TEKT2: variants seen among roughly 807,000 people sequenced by gnomAD.
TEKT2 encodes the protein tektin 2.
A neutral mutation model predicts 49.8 loss-of-function variants in TEKT2; 45 were observed. That is an observed-to-expected ratio of 0.90 (90% confidence interval 0.71 to 1.16). The LOEUF is 1.16. TEKT2 is among the 50% of genes most tolerant of loss of function. TEKT2 has a pLI of 0.00. For missense variants in TEKT2, 523 were observed against 551.4 expected (o/e 0.95, Z 0.52); for synonymous variants, 202 against 224.6 (o/e 0.90, Z 0.90).
chr1:36,084,836 A>C lies in TEKT2; in HGVS notation c.-52-34A>C. The C allele has an allele frequency of 6.3e-7, 1 of 1,599,622 alleles. No homozygotes were observed. Among genetic ancestry groups the C allele is most frequent in the Non-Finnish European group, 8.5e-7 (1 of 1,169,644 alleles). ...GGCGTGTGATCCAGGAGGTCTCCGGAAAGGTCTCCCGCAGCAGTGTTTTCC... is the reference window on the plus strand; with the variant it reads ...GGCGTGTGATCCAGGAGGTCTCCGGCAAGGTCTCCCGCAGCAGTGTTTTCC... On this transcript the variant is annotated intron_variant, in intron 1 of 9. Coordinates refer to ENST00000207457, the MANE Select transcript of TEKT2 (RefSeq NM_014466.3). The surrounding 1 kb of genome is among the most constrained non-coding windows in gnomAD (Gnocchi z 4.1).
chr1:36,086,168 T>C (rs1238612670), intron 4 of TEKT2, 127 bp downstream of exon 4: 1 of 1,015,502 alleles, frequency 9.8e-7, no homozygotes, highest in Non-Finnish European at 1.5e-6. Flanking sequence ...CTCTGGTGCC[T>C]GTGACAGAAA....
rs954915434 is a variant in TEKT2 at position 36,087,706 on chromosome 1, C to T, written c.1000-22C>T. 1.2e-6 allele frequency: 2 copies of T among 1,613,242 alleles called. No individual in the cohort carries two copies. Among genetic ancestry groups the T allele is most frequent in the African/African-American group, 2.7e-5 (2 of 75,054 alleles). ...AAAGGACAGTGTGGCTGACTTGGAA[C>T]TCCCAACCCCTCTGCCTCCAGGCAC... On this transcript the variant is annotated intron_variant, in intron 8 of 9. Transcript: ENST00000207457. This position sits in a 1 kb window ranked among gnomAD's most constrained non-coding sequence, Gnocchi z 4.9.
In TEKT2 at chr1:36,088,213, G is replaced by T; in HGVS notation, c.*27G>T. ...CTTGGAGGACTGCAGGAGGAGGGCA[G>T]GGTTGGGTGGGCAATGGAAGGAGGG... On this transcript the variant is annotated 3_prime_UTR_variant, in exon 10 of 10. Coordinates refer to ENST00000207457, the MANE Select transcript of TEKT2 (RefSeq NM_014466.3). 1 of 1,488,714 alleles carries T rather than the reference G, an allele frequency of 6.7e-7. No individual in the cohort carries two copies. The allele number at this position is 1,488,714 out of a possible 1,614,324, so 92.2% of individuals were successfully genotyped here. A position where few individuals can be genotyped will look rare whatever the true frequency, so the allele number is the denominator to read the frequency against.
chr1:36,088,159 C>G lies in TEKT2; in HGVS notation c.1266C>G (p.Leu422=). 1 of 1,440,278 alleles carries G rather than the reference C, an allele frequency of 6.9e-7. No homozygotes were observed. Among genetic ancestry groups the G allele is most frequent in the Non-Finnish European group, 9.3e-7 (1 of 1,072,308 alleles). The allele number at this position is 1,440,278 out of a possible 1,614,324, so 89.2% of individuals were successfully genotyped here. ...CCACAAATAGCACCCTGAGTCCACTCAAAAGCTGCCAGCTGGAGCTGGCCT... is the reference window on the plus strand; with the variant it reads ...CCACAAATAGCACCCTGAGTCCACTGAAAAGCTGCCAGCTGGAGCTGGCCT... ...TRTTNSTLSP[L]KSCQLELA The change falls in exon 10 of 10, where the codon CTC becomes CTG. Residue 422 remains leucine, a synonymous_variant. Coordinates refer to ENST00000207457, the MANE Select transcript of TEKT2 (RefSeq NM_014466.3).
At chr1:36,086,157 C>A in intron 4 of TEKT2, 116 bp downstream of exon 4, 1 of 1,144,384 alleles carries the variant, frequency 8.7e-7, no homozygotes, top group Non-Finnish European at 1.3e-6. Flanking sequence ...ACATTTTGGC[C>A]CTCTGGTGCC....
Position 36,085,075 on chromosome 1 carries a change from C to A in TEKT2, c.154C>A (p.Gln52Lys). ...ARVLRNETNN[Q>K]TIWDEHDNRT... ...GGTGCTCCGCAACGAGACCAACAAC[C>A]AGGTTGGGGATGGGAACTCAGCTGG... The change falls in exon 2 of 10, where the codon CAG becomes AAG. Residue 52 changes from glutamine (Q) to lysine (K), a missense_variant and splice_region_variant. Coordinates refer to ENST00000207457, the MANE Select transcript of TEKT2 (RefSeq NM_014466.3). 1.9e-6 allele frequency: 3 copies of A among 1,614,202 alleles called. No individual in the cohort carries two copies. Among genetic ancestry groups the A allele is most frequent in the Non-Finnish European group, 2.5e-6 (3 of 1,180,040 alleles).
chr1:36,084,992 T>C lies in TEKT2; in HGVS notation c.71T>C (p.Leu24Pro), dbSNP rs1274602084. Residue 24 changes from leucine to proline, a missense_variant, in exon 2 of 10, where the codon CTA becomes CCA. Physicochemically the swap from Leu to Pro is moderately conservative, Grantham distance 98. Transcript: ENST00000207457. The surrounding 1 kb of genome is among the most constrained non-coding windows in gnomAD (Gnocchi z 4.1). Reference protein sequence around the residue: ...LPDWHTNSYLLSTNAQLQRDA... With the variant: ...LPDWHTNSYLPSTNAQLQRDA... ...GACTGGCACACTAACAGCTACCTGC[T>C]ATCCACCAATGCCCAGCTGCAGCGA... The C allele has an allele frequency of 6.2e-7, 1 of 1,614,012 alleles. No homozygotes were observed. Among genetic ancestry groups the C allele is most frequent in the South Asian group, 1.1e-5 (1 of 91,088 alleles).
intron 4 of TEKT2, 73 bp downstream of exon 4, chr1:36,086,114 TA>T: frequency 6.7e-7 from 1 of 1,501,864 alleles, no homozygotes; most frequent in Non-Finnish European, 9.1e-7. Flanking sequence ...GGAACACAGG[TA>T]TTGTGGATGA....
Position 36,088,191 on chromosome 1 carries a change from G to T in TEKT2, c.*5G>T. On this transcript the variant is annotated 3_prime_UTR_variant, in exon 10 of 10. Coordinates refer to ENST00000207457, the MANE Select transcript of TEKT2 (RefSeq NM_014466.3). ...TGCCAGCTGGAGCTGGCCTAGCCTT[G>T]GAGGACTGCAGGAGGAGGGCAGGGT... The T allele has an allele frequency of 6.2e-7, 1 of 1,610,818 alleles. No homozygotes were observed. Among genetic ancestry groups the T allele is most frequent in the Non-Finnish European group, 8.5e-7 (1 of 1,178,564 alleles).
rs1226876807 is a variant in TEKT2, at chr1:36,085,840, A to G, written c.287A>G (p.Lys96Arg). ...CGGCCGCGCCCTCTTTTCTAGATGA[A>G]GGAGTCAGCAGAGCAAAACCTGCAG... is the stretch of plus-strand genomic sequence containing the variant. ...DAEIDALTQM[K>R]ESAEQNLQAK... The change falls in exon 4 of 10, where the codon AAG becomes AGG. Residue 96 changes from lysine (K) to arginine (R), a missense_variant. Transcript: ENST00000207457. 14 of 1,613,510 alleles carry G rather than the reference A, an allele frequency of 8.7e-6. No individual in the cohort carries two copies. The highest frequency in any genetic ancestry group is 1.2e-5 in the Non-Finnish European group (14 of 1,179,804).
chr1:36,086,820 A>C lies in TEKT2; in HGVS notation c.605A>C (p.Lys202Thr). ...CTCAGATCCCCAAACATCTCGCTGAAGGTTGACCCCACACGTGTACCTGAT... is the reference window on the plus strand; with the variant it reads ...CTCAGATCCCCAAACATCTCGCTGACGGTTGACCCCACACGTGTACCTGAT... Reference protein sequence around the residue: ...LNLRSPNISLKVDPTRVPDGS... With the variant: ...LNLRSPNISLTVDPTRVPDGS... The change falls in exon 5 of 10, where the codon AAG becomes ACG. Residue 202 changes from lysine (K) to threonine (T), a missense_variant. By Grantham distance (78) the Lys-to-Thr change is moderately conservative. Coordinates refer to ENST00000207457, the MANE Select transcript of TEKT2 (RefSeq NM_014466.3). The C allele has an allele frequency of 6.2e-7, 1 of 1,614,176 alleles. No homozygotes were observed.
chr1:36,087,002 C>G lies in TEKT2; in HGVS notation c.704C>G (p.Ala235Gly), dbSNP rs746155852. 130 of 1,613,900 alleles carry G rather than the reference C, an allele frequency of 8.1e-5. No homozygotes were observed. Among genetic ancestry groups the G allele is most frequent in the Non-Finnish European group, 1.1e-4 (125 of 1,180,042 alleles). The change falls in exon 6 of 10, where the codon GCA becomes GGA. Residue 235 changes from alanine (A) to glycine (G), a missense_variant. Ala to Gly is a moderately conservative substitution (Grantham distance 60). Transcript: ENST00000207457. The surrounding 1 kb of genome is among the most constrained non-coding windows in gnomAD (Gnocchi z 4.9). ...NKDRAEAEMK[A>G]ATELREATAL... ...GACCGAGCGGAGGCTGAGATGAAGG[C>G]AGCCACAGAGCTGAGGGAGGCCACT... is the stretch of plus-strand genomic sequence containing the variant.
intron 3 of TEKT2, among the ~76,000 whole-genome samples, chr1:36,085,516 T>C (rs941609087): frequency 1.5e-5 from 2 of 136,606 alleles, no homozygotes; most frequent in African/African-American, 5.6e-5. Context: ...TCTTTTTTTT[T>C]TTTTTTTTTT....
chr1:36,085,247 T>C lies in TEKT2; in HGVS notation c.241T>C (p.Cys81Arg), dbSNP rs762323667. The change falls in exon 3 of 10, where the codon TGT (cysteine) becomes CGT (arginine). Residue 81 changes from cysteine (C) to arginine (R), a missense_variant. Cys to Arg is a radical substitution (Grantham distance 180, BLOSUM62 -3). Transcript: ENST00000207457. ...VNRWKEMLDK[C>R]LTDLDAEIDA... ...CCGGTGGAAGGAGATGCTGGACAAGTGTCTGACAGATTTAGATGCCGAGAT... is the reference window on the plus strand; with the variant it reads ...CCGGTGGAAGGAGATGCTGGACAAGCGTCTGACAGATTTAGATGCCGAGAT... The C allele has an allele frequency of 6.2e-7, 1 of 1,614,002 alleles. No individual in the cohort carries two copies. Among genetic ancestry groups the C allele is most frequent in the Admixed American group, 1.7e-5 (1 of 60,002 alleles).
rs750605136 is a variant in TEKT2 at position 36,084,653 on chromosome 1, C to A, written c.-52-217C>A. The A allele has an allele frequency of 1.1e-4, 63 of 572,532 alleles. No homozygotes were observed. Among genetic ancestry groups the A allele is most frequent in the Admixed American group, 2.7e-4 (9 of 33,234 alleles). The allele number at this position is 572,532 out of a possible 1,614,324, so 35.5% of individuals were successfully genotyped here. A position where few individuals can be genotyped will look rare whatever the true frequency, so the allele number is the denominator to read the frequency against. ...TATTCCTTTTTACCTGCTCCAGGAC[C>A]TGCAAGGTCCAGGGGTTTGTGTCCG... is the stretch of plus-strand genomic sequence containing the variant. On this transcript the variant is annotated intron_variant, in intron 1 of 9. Transcript: ENST00000207457. This position sits in a 1 kb window ranked among gnomAD's most constrained non-coding sequence, Gnocchi z 4.1.
At position 36,084,855 on chromosome 1, in the gene TEKT2, G is replaced by GT; in HGVS notation, c.-52-11dup. ...CTCCGGAAAGGTCTCCCGCAGCAGT[G>GT]TTTTCCCTCTGCAGGTGGTGTCTGT... On this transcript the variant is annotated splice_polypyrimidine_tract_variant and intron_variant, in intron 1 of 9. Coordinates refer to ENST00000207457, the MANE Select transcript of TEKT2 (RefSeq NM_014466.3). The surrounding 1 kb of genome is among the most constrained non-coding windows in gnomAD (Gnocchi z 4.1). 1 of 1,610,076 alleles carries GT rather than the reference G, an allele frequency of 6.2e-7. No individual in the cohort carries two copies. Among genetic ancestry groups the GT allele is most frequent in the Non-Finnish European group, 8.5e-7 (1 of 1,178,480 alleles).
rs745554977 is a variant in TEKT2 at position 36,085,016 on chromosome 1, G to A, written c.95G>A (p.Arg32Gln). The change falls in exon 2 of 10, where the codon CGA becomes CAA. Residue 32 changes from arginine to glutamine, a missense_variant. Transcript: ENST00000207457. ...CTATCCACCAATGCCCAGCTGCAGC[G>A]AGATGCTTCCCATCAGATCCGCCAG... ...YLLSTNAQLQ[R>Q]DASHQIRQEA... The A allele has an allele frequency of 1.1e-5, 17 of 1,613,914 alleles. No individual in the cohort carries two copies. Among genetic ancestry groups the A allele is most frequent in the African/African-American group, 5.3e-5 (4 of 74,940 alleles).
rs754144072 is a variant in TEKT2 at position 36,085,283 on chromosome 1, A to AC, written c.278dup (p.Gln94ThrfsTer22). On this transcript the variant is annotated frameshift_variant, in exon 3 of 10. Coordinates refer to ENST00000207457, the MANE Select transcript of TEKT2 (RefSeq NM_014466.3). LOFTEE classifies it high-confidence loss of function. ...TTTAGATGCCGAGATCGATGCCCTG[A>AC]CACAGGCAGGGATCCAGGACTGGGT... 1 of 1,613,934 alleles carries AC rather than the reference A, an allele frequency of 6.2e-7. No homozygotes were observed. Among genetic ancestry groups the AC allele is most frequent in the East Asian group, 2.2e-5 (1 of 44,876 alleles).
Position 36,085,824 on chromosome 1 carries a change from C to T in TEKT2, c.283-12C>T, listed in dbSNP as rs777778840. 1.2e-6 allele frequency: 2 copies of T among 1,612,372 alleles called. No individual in the cohort carries two copies. Among genetic ancestry groups the T allele is most frequent in the African/African-American group, 1.3e-5 (1 of 74,866 alleles). On this transcript the variant is annotated splice_polypyrimidine_tract_variant and intron_variant, in intron 3 of 9. Coordinates refer to ENST00000207457, the MANE Select transcript of TEKT2 (RefSeq NM_014466.3). ...TGTGAGCCACCGTGCCCGGCCGCGCCCTCTTTTCTAGATGAAGGAGTCAGC... is the reference window on the plus strand; with the variant it reads ...TGTGAGCCACCGTGCCCGGCCGCGCTCTCTTTTCTAGATGAAGGAGTCAGC...
Sources: allele counts gnomAD v4.1 joint callset (sites outside exome capture counted in the v4.1 genomes callset), GRCh38; gene constraint gnomAD v4.1.1; non-coding constraint Gnocchi (gnomAD v3.1); transcripts MANE v1.5; gene names NCBI Gene and HGNC (gene_info 2026-07-23, HGNC 2026-07-21).